The following PSMA6 variants were observed in gnomAD, a reference collection of about 807,000 sequenced individuals.
The protein encoded by PSMA6 is proteasome subunit alpha type-6.
For missense variants in PSMA6, 170 were observed against 294.8 expected (o/e 0.58, Z 3.10); for synonymous variants, 88 against 97.7 (o/e 0.90, Z 0.59).
upstream of PSMA6, among the ~76,000 whole-genome samples, chr14:35,291,284 C>CTCGGCTCACTGCAAGCTCCGCCTCT (rs1421810258): frequency 1.0e-4 from 15 of 150,682 alleles, no homozygotes; most frequent in African/African-American, 3.7e-4. Flanking sequence ...GTGGCATGAT[C>CTCGGCTCACTGCAAGCTCCGCCTCT]TCGGCTCACT....
intron 4 of PSMA6, among the ~76,000 whole-genome samples, chr14:35,311,685 G>T (rs950117030): frequency 1.3e-5 from 2 of 152,158 alleles, no homozygotes; most frequent in Admixed American, 1.3e-4. Flanking sequence ...TGAGTAGAAA[G>T]AAATTTAATG....
At chr14:35,309,430 G>A (rs1485158577) in intron 3 of PSMA6, among the ~76,000 whole-genome samples, 2 of 152,000 alleles carry the variant, frequency 1.3e-5, no homozygotes, top group Non-Finnish European at 2.9e-5. Flanking sequence ...TGAGAGGATT[G>A]TTTAAGACCA....
At chr14:35,285,786 G>T (rs1325937287) in intron 1 of PSMA6, among the ~76,000 whole-genome samples, 1 of 152,224 alleles carries the variant, frequency 6.6e-6, no homozygotes, top group Non-Finnish European at 1.5e-5. Context: ...AAGATGTAGG[G>T]AGGTACCATG....
At chr14:35,302,595 C>T (rs2051736356) in intron 1 of PSMA6, among the ~76,000 whole-genome samples, 2 of 151,860 alleles carry the variant, frequency 1.3e-5, no homozygotes. Context: ...ACATTTTTAG[C>T]CATTATTTCT....
chr14:35,313,128 T>C, intron 5 of PSMA6, 69 bp downstream of exon 5: 1 of 1,330,874 alleles, frequency 7.5e-7, no homozygotes, highest in Non-Finnish European at 1.0e-6. Context: ...GTATAATTTC[T>C]ATACAAAGCT....
At chr14:35,299,252 G>T (rs2051660622) in intron 1 of PSMA6, among the ~76,000 whole-genome samples, 1 of 151,006 alleles carries the variant, frequency 6.6e-6, no homozygotes, top group Admixed American at 6.6e-5. Flanking sequence ...TTGAACTCCT[G>T]GGCTCAACTG....
intron 6 of PSMA6, 35 bp downstream of exon 6, chr14:35,314,490 A>G (rs1171854951): frequency 6.3e-7 from 1 of 1,593,924 alleles, no homozygotes; most frequent in East Asian, 2.3e-5. Context: ...CAGACTAGAA[A>G]GGTGGAGGCG....
chr14:35,294,282 C>G (rs561028642), intron 1 of PSMA6, among the ~76,000 whole-genome samples: 2 of 152,142 alleles, frequency 1.3e-5, no homozygotes, highest in Non-Finnish European at 2.9e-5. Context: ...CCACCCACCT[C>G]GGCCTCCCAA....
chr14:35,281,135 G>A (rs1337884271), intron 1 of PSMA6, among the ~76,000 whole-genome samples: 1 of 152,034 alleles, frequency 6.6e-6, no homozygotes, highest in Non-Finnish European at 1.5e-5. Flanking sequence ...GCCTCTCAAA[G>A]CATTCATGGG....
chr14:35,304,175 G>A (rs541485237), intron 1 of PSMA6, among the ~76,000 whole-genome samples: 1 of 152,188 alleles, frequency 6.6e-6, no homozygotes, highest in African/African-American at 2.4e-5. Context: ...GTTTCACCAT[G>A]TCGGCCAGGA....
intron 4 of PSMA6, among the ~76,000 whole-genome samples, chr14:35,311,515 A>G (rs957491571): frequency 5.9e-5 from 9 of 152,188 alleles, no homozygotes; most frequent in African/African-American, 1.7e-4. Flanking sequence ...TCACTTAAAA[A>G]TTACTTAAAT....
upstream of PSMA6, chr14:35,292,330 C>T (rs1043546662): frequency 1.3e-6 from 2 of 1,494,404 alleles, no homozygotes; most frequent in Non-Finnish European, 1.8e-6. Context: ...CGAACTGGCT[C>T]CAGAGCCGTG....
At chr14:35,280,290 A>T (rs1341049482) in intron 1 of PSMA6, among the ~76,000 whole-genome samples, 1 of 152,114 alleles carries the variant, frequency 6.6e-6, no homozygotes, top group Non-Finnish European at 1.5e-5. Context: ...AAATACAACA[A>T]CAACAAAAAT....
chr14:35,297,247 G>A (rs1035700070), intron 1 of PSMA6, among the ~76,000 whole-genome samples: 3 of 147,792 alleles, frequency 2.0e-5, no homozygotes, highest in East Asian at 2.0e-4. Flanking sequence ...ATTGAGTCTC[G>A]CTCTGTCACC....
chr14:35,306,621 C>T (rs928043892), intron 1 of PSMA6, among the ~76,000 whole-genome samples: 6 of 152,092 alleles, frequency 3.9e-5, no homozygotes, highest in East Asian at 1.9e-4. Context: ...GCAGGAGAAT[C>T]GCTTGAGCCC....
At chr14:35,290,910 C>G (rs1594375446), upstream of PSMA6, among the ~76,000 whole-genome samples, 1 of 152,080 alleles carries the variant, frequency 6.6e-6, no homozygotes, top group Non-Finnish European at 1.5e-5. Context: ...CTGCTCTAAG[C>G]CCCATCCCCT....
chr14:35,313,156 C>A, intron 5 of PSMA6, 97 bp downstream of exon 5: 1 of 1,168,758 alleles, frequency 8.6e-7, no homozygotes, highest in South Asian at 1.8e-5. Context: ...AATTACATCC[C>A]AGGATTCAAG....
chr14:35,283,411 A>G (rs2051389061), intron 1 of PSMA6, among the ~76,000 whole-genome samples: 1 of 151,862 alleles, frequency 6.6e-6, no homozygotes, highest in Non-Finnish European at 1.5e-5. Flanking sequence ...TTGGAGGAAA[A>G]TGTCTGGAAG....
rs924383407 is a variant in PSMA6, at chr14:35,297,119, GTTTTTTTTTTTT to G, written c.76+4583_76+4594del. The stretch of plus-strand genomic sequence containing the variant: ...GTAGCTTCAAAAAAATCTTAACAAA[GTTTTTTTTTTTT>G]TTTTTTTTTTTTTTTGCCACACAGC... On this transcript the variant is annotated intron_variant, in intron 1 of 6. Coordinates refer to ENST00000261479, the MANE Select transcript of PSMA6 (RefSeq NM_002791.3). Among the ~76,000 whole-genome samples, 8 of 62,660 alleles carry G rather than the reference GTTTTTTTTTTTT, an allele frequency of 1.3e-4. No homozygotes were observed. The East Asian group carries it at 3.1e-3, about 24-fold the overall frequency. 41.1% of individuals were successfully genotyped at this position (62,660 alleles called of 152,430 possible).
Sources: allele counts gnomAD v4.1 joint callset (sites outside exome capture counted in the v4.1 genomes callset), GRCh38; gene constraint gnomAD v4.1.1; transcripts MANE v1.5; gene names NCBI Gene and HGNC (gene_info 2026-07-23, HGNC 2026-07-21).